Variants in APC observed in about 807,000 individuals in gnomAD.
APC encodes APC regulator of Wnt signaling pathway, also known as adenomatous polyposis coli protein.
APC carries 72 observed loss-of-function variants against 247.0 expected under a neutral mutation model. The ratio of observed to expected loss-of-function variants is 0.29; its 90% CI spans 0.24 to 0.35. The LOEUF is 0.35. APC is among the 10% of genes least tolerant of loss of function. The probability of loss-of-function intolerance (pLI) is 1.00; values close to 1 mark genes in which losing one functional copy is unlikely to be tolerated. For missense variants in APC, 3,400 were observed against 3,360.7 expected (o/e 1.01, Z -0.29); for synonymous variants, 1,254 against 1,162.5 (o/e 1.08, Z -1.60).
chr5:112,726,084 G>A (rs776428611), intron 1 of APC, among the ~76,000 whole-genome samples: 9 of 152,156 alleles, frequency 5.9e-5, no homozygotes, highest in Non-Finnish European at 8.8e-5. Context: ...TGCAGAAGCC[G>A]GGGCAAGTGC....
intron 1 of APC, among the ~76,000 whole-genome samples, chr5:112,721,014 TGA>T (rs1323739340): frequency 2.6e-5 from 4 of 152,114 alleles, no homozygotes; most frequent in Admixed American, 2.6e-4. Flanking sequence ...TGAAAAATGA[TGA>T]GAGCATTTTT....
intron 6 of APC, 138 bp downstream of exon 6, chr5:112,781,041 T>C (rs1758285301): frequency 1.4e-6 from 1 of 696,218 alleles, no homozygotes; most frequent in African/African-American, 1.8e-5. Context: ...AAATAAGATT[T>C]ATCATGGCTG....
At chr5:112,775,832 T>G (rs1047877824) in intron 5 of APC, 95 bp downstream of exon 5, 1 of 702,028 alleles carries the variant, frequency 1.4e-6, no homozygotes, top group African/African-American at 1.8e-5. Flanking sequence ...TAACTGAATT[T>G]ATAGTTATTT....
At chr5:112,744,882 A>G (rs1268298778) in intron 1 of APC, among the ~76,000 whole-genome samples, 3 of 152,204 alleles carry the variant, frequency 2.0e-5, no homozygotes, top group South Asian at 4.1e-4. Flanking sequence ...ACAGATTTGA[A>G]TTCTGGCATA....
intron 1 of APC, among the ~76,000 whole-genome samples, chr5:112,722,270 A>G (rs1457514498): frequency 6.6e-6 from 1 of 152,206 alleles, no homozygotes; most frequent in Admixed American, 6.5e-5. Context: ...CTATTATGGC[A>G]TTTTAAACAC....
At chr5:112,769,367 A>C (rs1378005162) in intron 4 of APC, among the ~76,000 whole-genome samples, 3 of 152,012 alleles carry the variant, frequency 2.0e-5, no homozygotes, top group African/African-American at 7.2e-5. Flanking sequence ...ACATTTCTTA[A>C]TGTATAAGTT....
chr5:112,759,356 C>CTTTTTTTTTTTT (rs887438895), intron 2 of APC, among the ~76,000 whole-genome samples: 89 of 122,332 alleles, frequency 7.3e-4, no homozygotes, highest in Non-Finnish European at 1.0e-3. Flanking sequence ...TTCTTTCTTT[C>CTTTTTTTTTTTT]TTTTTTTTTT....
chr5:112,751,950 G>A (rs1224951658), intron 1 of APC, among the ~76,000 whole-genome samples: 1 of 151,918 alleles, frequency 6.6e-6, no homozygotes, highest in Non-Finnish European at 1.5e-5. Flanking sequence ...AATTTGTAAA[G>A]TGTCTTTTCC....
chr5:112,740,734 C>G (rs1055728747), intron 1 of APC, among the ~76,000 whole-genome samples: 1 of 151,750 alleles, frequency 6.6e-6, no homozygotes, highest in East Asian at 1.9e-4. Flanking sequence ...CCATGTTGCC[C>G]AGGGTGGTCT....
intron 15 of APC, among the ~76,000 whole-genome samples, 197 bp downstream of exon 15, chr5:112,835,362 G>A (rs150852234): frequency 6.6e-6 from 1 of 152,100 alleles, no homozygotes; most frequent in Non-Finnish European, 1.5e-5. Flanking sequence ...TTATAGAGGA[G>A]ACTAAATTAA....
chr5:112,825,168 C>T (rs1763514832), intron 11 of APC, among the ~76,000 whole-genome samples: 1 of 152,144 alleles, frequency 6.6e-6, no homozygotes, highest in African/African-American at 2.4e-5. Context: ...CATCCTTATC[C>T]CCTGCAAATA....
Position 112,843,545 on chromosome 5 carries a change from G to C in APC, c.7951G>C (p.Val2651Leu), listed in dbSNP as rs1561619590. The C allele has an allele frequency of 6.2e-7, 1 of 1,613,860 alleles. No individual in the cohort carries two copies. The highest frequency in any genetic ancestry group is 8.5e-7 in the Non-Finnish European group (1 of 1,179,810). ...KTLIYQMAPAVSKTEDVWVRI... is the reference protein window; with the variant it reads ...KTLIYQMAPALSKTEDVWVRI... ...TCTAATTTATCAAATGGCACCTGCT[G>C]TTTCTAAAACAGAGGATGTTTGGGT... Residue 2651 changes from valine (V) to leucine (L), a missense_variant, in exon 16 of 16, where the codon GTT becomes CTT. Physicochemically the swap from Val to Leu is conservative, Grantham distance 32. Around this residue, in one of 9 missense-constraint regions of APC, gnomAD observed 1,788 missense variants for 1,649.5 expected, o/e 1.08. Coordinates refer to ENST00000257430, the MANE Select transcript of APC (RefSeq NM_000038.6). The surrounding 1 kb of genome is among the most constrained non-coding windows in gnomAD (Gnocchi z 4.8).
chr5:112,812,307 A>G (rs190418163), intron 8 of APC, among the ~76,000 whole-genome samples: 21 of 152,292 alleles, frequency 1.4e-4, no homozygotes, highest in Non-Finnish European at 3.1e-4. Flanking sequence ...GCTTCAGGGT[A>G]AAGACTCATT....
intron 1 of APC, among the ~76,000 whole-genome samples, chr5:112,708,981 G>A (rs1252615161): frequency 1.3e-5 from 2 of 152,278 alleles, no homozygotes; most frequent in South Asian, 2.1e-4. Context: ...AAGTTGCCAT[G>A]GCTAATTTTT....
intron 1 of APC, among the ~76,000 whole-genome samples, chr5:112,739,436 T>C (rs895542835): frequency 4.6e-4 from 70 of 152,352 alleles, no homozygotes; most frequent in African/African-American, 1.6e-3. Flanking sequence ...AGTAATATTT[T>C]CAAGATAATG....
rs58529934 is a variant in APC, at chr5:112,792,712, C to T, written c.729+183C>T. On this transcript the variant is annotated intron_variant, in intron 7 of 15. Transcript: ENST00000257430. Reference sequence around the variant, plus strand: ...TTTGGACTATTTTGATTTTATCTAACTTTTAGGCAGTTAAAATTTATAAAA... The same window carrying T: ...TTTGGACTATTTTGATTTTATCTAATTTTTAGGCAGTTAAAATTTATAAAA... Among the ~76,000 whole-genome samples, 1,249 of 152,206 alleles carry T rather than the reference C, an allele frequency of 8.2e-3. 16 individuals are homozygous for T. The highest frequency in any genetic ancestry group is 0.028 in the African/African-American group (1,166 of 41,538).
chr5:112,754,883 A>G lies in APC; in HGVS notation c.-8A>G, dbSNP rs1333547771. 1 of 1,613,626 alleles carries G rather than the reference A, an allele frequency of 6.2e-7. No homozygotes were observed. Among genetic ancestry groups the G allele is most frequent in the Admixed American group, 1.7e-5 (1 of 60,012 alleles). On this transcript the variant is annotated 5_prime_UTR_variant, in exon 2 of 16. Transcript: ENST00000257430. Reference sequence around the variant, plus strand: ...TTTTTAACCTTATAGGTCCAAGGGTAGCCAAGGATGGCTGCAGCTTCATAT... The same window carrying G: ...TTTTTAACCTTATAGGTCCAAGGGTGGCCAAGGATGGCTGCAGCTTCATAT...
At chr5:112,765,644 A>G (rs1323341743) in intron 2 of APC, among the ~76,000 whole-genome samples, 1 of 152,158 alleles carries the variant, frequency 6.6e-6, no homozygotes, top group Non-Finnish European at 1.5e-5. Context: ...GGAAAATAAT[A>G]TAAATTATTA....
intron 1 of APC, 149 bp downstream of exon 1, chr5:112,738,074 C>G (rs1366150493): frequency 2.1e-6 from 1 of 485,222 alleles, no homozygotes; most frequent in Non-Finnish European, 2.7e-6. Context: ...CGTCCCCCCG[C>G]CCCCCACTGC....
Sources: gnomAD v4.1 joint callset for allele counts (sites outside exome capture counted in the v4.1 genomes callset) on GRCh38, gnomAD v4.1.1 for gene constraint, gnomAD v4.1.1 regional missense constraint, Gnocchi (gnomAD v3.1) non-coding constraint, MANE v1.5 for transcripts, NCBI Gene and HGNC (gene_info 2026-07-23, HGNC 2026-07-21) for gene names.